The following COL6A5 variants were observed in gnomAD, a reference collection of about 807,000 sequenced individuals.
The protein encoded by COL6A5 is collagen alpha-5(VI) chain.
COL6A5 carries 48 observed loss-of-function variants against 65.6 expected under a neutral mutation model. That is an observed-to-expected ratio of 0.73 (90% CI 0.58 to 0.93). The LOEUF (loss-of-function observed/expected upper bound fraction) is 0.93. COL6A5 is among the 40% of genes least tolerant of loss of function. The probability of loss-of-function intolerance (pLI) is 0.00; values close to 1 mark genes in which losing one functional copy is unlikely to be tolerated. For synonymous variants in COL6A5, 291 were observed against 322.8 expected (o/e 0.90, Z 1.05); for missense variants, 914 against 928.3 (o/e 0.98, Z 0.20).
At chr3:130,357,942 C>A (rs2107618038) in intron 1 of COL6A5, among the ~76,000 whole-genome samples, 1 of 152,284 alleles carries the variant, frequency 6.6e-6, no homozygotes, top group Admixed American at 6.5e-5. Context: ...GTAATCCCAG[C>A]ACTTTCGGAG....
intron 11 of COL6A5, 55 bp from the exon 12 acceptor site, chr3:130,401,707 T>C (rs757370205): frequency 3.9e-6 from 5 of 1,293,476 alleles, no homozygotes; most frequent in Non-Finnish European, 4.4e-6. Context: ...ACAATTCTTA[T>C]GGAATAAAGT....
intron 1 of COL6A5, among the ~76,000 whole-genome samples, chr3:130,366,075 G>A (rs575962550): frequency 1.1e-4 from 17 of 152,308 alleles, no homozygotes; most frequent in African/African-American, 4.1e-4. Context: ...TAGTAATGCT[G>A]CTGATTTGGG....
intron 12 of COL6A5, among the ~76,000 whole-genome samples, chr3:130,403,023 A>C (rs1936865998): frequency 6.6e-6 from 1 of 152,196 alleles, no homozygotes; most frequent in Non-Finnish European, 1.5e-5. Flanking sequence ...TATTAGAATT[A>C]TGTTCCAGAA....
intron 4 of COL6A5, among the ~76,000 whole-genome samples, chr3:130,452,878 A>T (rs552142809): frequency 6.6e-6 from 1 of 152,156 alleles, no homozygotes; most frequent in African/African-American, 2.4e-5. Flanking sequence ...TCAGGGGCAC[A>T]TTCTCTTTCT....
intron 22 of COL6A5, among the ~76,000 whole-genome samples, chr3:130,414,635 T>G (rs777299142): frequency 6.6e-5 from 10 of 152,060 alleles, no homozygotes; most frequent in Non-Finnish European, 1.5e-4. Flanking sequence ...GCACCGGAAG[T>G]CAGAGCATCA....
chr3:130,440,687 G>T (rs746842010), exon 3 of COL6A5: 4 of 1,612,686 alleles, frequency 2.5e-6, no homozygotes, highest in Non-Finnish European at 3.4e-6. Flanking sequence ...GATTTCTCTG[G>T]GCTCTACACG....
chr3:130,393,076 TTG>T (rs923185497), intron 7 of COL6A5, among the ~76,000 whole-genome samples: 3 of 92,274 alleles, frequency 3.3e-5, no homozygotes. Flanking sequence ...TGTTTTTTTT[TTG>T]TGTGTGTGTG....
chr3:130,406,444 C>A (rs748611566), intron 17 of COL6A5, 123 bp downstream of exon 17: 21 of 709,926 alleles, frequency 3.0e-5, no homozygotes, highest in Non-Finnish European at 5.0e-5. Flanking sequence ...ATAATGAAGG[C>A]CTATTGCTAC....
At chr3:130,421,838 C>T (rs2107685001) in intron 27 of COL6A5, among the ~76,000 whole-genome samples, 1 of 152,162 alleles carries the variant, frequency 6.6e-6, no homozygotes, top group East Asian at 1.9e-4. Flanking sequence ...ATGCCACTTT[C>T]CTACTCAAAC....
chr3:130,393,428 A>G (rs763535329), intron 7 of COL6A5, among the ~76,000 whole-genome samples: 30 of 152,102 alleles, frequency 2.0e-4, no homozygotes, highest in African/African-American at 6.8e-4. Flanking sequence ...CACTTGACAC[A>G]TATTTGCTGT....
chr3:130,419,910 A>G (rs1436013194), intron 25 of COL6A5, among the ~76,000 whole-genome samples: 1 of 152,146 alleles, frequency 6.6e-6, no homozygotes, highest in South Asian at 2.1e-4. Flanking sequence ...AGAAAAAAAT[A>G]GTAAATAAAC....
chr3:130,461,852 G>A (rs1473910778), intron 5 of COL6A5, among the ~76,000 whole-genome samples: 1 of 151,178 alleles, frequency 6.6e-6, no homozygotes, highest in Non-Finnish European at 1.5e-5. Context: ...AGCCATATCC[G>A]AGGTCATTTG....
chr3:130,432,061 C>T (rs1281122811), intron 1 of COL6A5, 112 bp downstream of exon 33: 1 of 1,107,346 alleles, frequency 9.0e-7, no homozygotes, highest in Non-Finnish European at 1.3e-6. Context: ...CTTGAAAACT[C>T]CTTTACAGTT....
intron 25 of COL6A5, 113 bp downstream of exon 25, chr3:130,419,044 C>A: frequency 1.2e-6 from 1 of 803,280 alleles, no homozygotes; most frequent in Admixed American, 2.2e-5. Flanking sequence ...GGTATTTCAG[C>A]ATCTAGGAAA....
At chr3:130,455,064 C>A (rs1709535874) in intron 4 of COL6A5, among the ~76,000 whole-genome samples, 1 of 151,534 alleles carries the variant, frequency 6.6e-6, no homozygotes, top group South Asian at 2.1e-4. Flanking sequence ...TGCTAGAGCC[C>A]AGGAGGTTGA....
chr3:130,430,064 T>C (rs980962914), upstream of COL6A5, among the ~76,000 whole-genome samples: 1 of 152,164 alleles, frequency 6.6e-6, no homozygotes, highest in Non-Finnish European at 1.5e-5. Context: ...CGGGGCTGCA[T>C]GGCACCTTAG....
chr3:130,417,112 GT>G (rs1426805673), intron 24 of COL6A5, among the ~76,000 whole-genome samples: 1 of 151,690 alleles, frequency 6.6e-6, no homozygotes, highest in East Asian at 2.0e-4. Flanking sequence ...AGACCCTAGT[GT>G]GTGATGTTCC....
chr3:130,412,363 C>T (rs892522155), intron 20 of COL6A5, among the ~76,000 whole-genome samples: 7 of 152,288 alleles, frequency 4.6e-5, no homozygotes, highest in Admixed American at 1.3e-4. Context: ...GGGATTTGAA[C>T]TCAGTCTGTC....
chr3:130,440,107 A>G (rs761501530), intron 2 of COL6A5, 59 bp from the exon 35 acceptor site: 268 of 1,376,462 alleles, frequency 1.9e-4, no homozygotes, highest in Non-Finnish European at 2.6e-4. Context: ...GAAGATCTCA[A>G]ACAAGTGTCT....
Sources: allele counts gnomAD v4.1 joint callset (sites outside exome capture counted in the v4.1 genomes callset), GRCh38; gene constraint gnomAD v4.1.1; transcripts MANE v1.5; gene names NCBI Gene and HGNC (gene_info 2026-07-23, HGNC 2026-07-21).